IMMP1L: variants seen among roughly 807,000 people sequenced by gnomAD.
The protein encoded by IMMP1L is mitochondrial inner membrane protease subunit 1.
In IMMP1L, 24 loss-of-function variants were observed where a neutral mutation model predicts 21.8. The observed-to-expected ratio is 1.10, with a 90% confidence interval of 0.80 to 1.55. IMMP1L has a LOEUF of 1.55. Ranked by LOEUF, IMMP1L falls within the 40% of genes most tolerant of loss-of-function variation. The pLI is 0.00. For missense variants in IMMP1L, 195 were observed against 200.7 expected (o/e 0.97, Z 0.17); for synonymous variants, 46 against 62.8 (o/e 0.73, Z 1.26).
At position 31,456,346 on chromosome 11, in the gene IMMP1L, AT is replaced by A; in HGVS notation, c.234del (p.Lys78AsnfsTer8). 6.2e-7 allele frequency: 1 copy of A among 1,609,880 alleles called. No homozygotes were observed. Among genetic ancestry groups the A allele is most frequent in the Admixed American group, 1.7e-5 (1 of 59,954 alleles). ...IVIAKSPSDP[K>X]SNICKRVIGL... ...CCAATTACTCTTTTACAAATATTTGATTTTGGATCACTTGGGCTTTTTGCAA... is the reference window on the plus strand; with the variant it reads ...CCAATTACTCTTTTACAAATATTTGATTTGGATCACTTGGGCTTTTTGCAA... On this transcript the variant is annotated frameshift_variant, in exon 4 of 6. Coordinates refer to ENST00000532287, the MANE Select transcript of IMMP1L (RefSeq NM_001304274.2). LOFTEE classifies it high-confidence loss of function.
intron 5 of IMMP1L, among the ~76,000 whole-genome samples, chr11:31,433,054 T>G (rs1408557423): frequency 6.6e-6 from 1 of 152,206 alleles, no homozygotes; most frequent in Non-Finnish European, 1.5e-5. Flanking sequence ...AATCATACAT[T>G]CACAATAAGT....
chr11:31,481,435 G>A (rs1366352643), intron 1 of IMMP1L, among the ~76,000 whole-genome samples: 1 of 151,966 alleles, frequency 6.6e-6, no homozygotes, highest in Non-Finnish European at 1.5e-5. Context: ...TTAGTGAAGA[G>A]TTATTACAAT....
At chr11:31,432,712 T>A in intron 5 of IMMP1L, 144 bp from the exon 6 acceptor site, 1 of 629,884 alleles carries the variant, frequency 1.6e-6, no homozygotes. Context: ...ATTTTCTACA[T>A]CAAAGTAAGA....
intron 4 of IMMP1L, among the ~76,000 whole-genome samples, chr11:31,435,011 T>C (rs1305302377): frequency 6.6e-6 from 1 of 152,220 alleles, no homozygotes; most frequent in Admixed American, 6.5e-5. Flanking sequence ...ATTAACATTC[T>C]GAAGTGTTAT....
At chr11:31,456,941 A>G (rs1953964826) in intron 3 of IMMP1L, among the ~76,000 whole-genome samples, 1 of 21,098 alleles carries the variant, frequency 4.7e-5, no homozygotes, top group African/African-American at 2.0e-4. Context: ...AAAAACCCCA[A>G]GTGAACCAAA....
intron 1 of IMMP1L, among the ~76,000 whole-genome samples, chr11:31,488,772 G>A (rs1955161796): frequency 6.6e-6 from 1 of 151,984 alleles, no homozygotes; most frequent in South Asian, 2.1e-4. Flanking sequence ...ATATGACAAA[G>A]GCAAAGCAAT....
chr11:31,489,601 TTCTTA>T (rs72156294), intron 1 of IMMP1L, among the ~76,000 whole-genome samples: 41,051 of 151,900 alleles, frequency 0.27, 5,776 homozygotes, highest in African/African-American at 0.35. Context: ...CTCCTTAGTC[TTCTTA>T]TCTTATCTCT....
rs1013763088 is a variant in IMMP1L at position 31,477,505 on chromosome 11, T to C, written c.-29-14200A>G. On this transcript the variant is annotated intron_variant, in intron 1 of 5. Coordinates refer to ENST00000532287, the MANE Select transcript of IMMP1L (RefSeq NM_001304274.2). Reference sequence around the variant, plus strand: ...CATATTCTTTGCCTTGATGACCTGATTTTTTGTTGTTGTTGTTTATAAAAT... The same window carrying C: ...CATATTCTTTGCCTTGATGACCTGACTTTTTGTTGTTGTTGTTTATAAAAT... 8 of 979,658 alleles carry C rather than the reference T, an allele frequency of 8.2e-6. No homozygotes were observed. The African/African-American group carries it at 1.4e-4, about 17-fold the overall frequency. 60.7% of individuals were successfully genotyped at this position (979,658 alleles called of 1,614,324 possible). A position where few individuals can be genotyped will look rare whatever the true frequency, so the allele number is the denominator to read the frequency against.
At chr11:31,506,562 ATACTT>A (rs1955784327) in intron 1 of IMMP1L, among the ~76,000 whole-genome samples, 1 of 151,632 alleles carries the variant, frequency 6.6e-6, no homozygotes, top group South Asian at 2.1e-4. Flanking sequence ...CTTTCCATGA[ATACTT>A]TATTTATTCT....
intron 1 of IMMP1L, chr11:31,469,902 A>C (rs1591994109): frequency 6.6e-6 from 1 of 152,338 alleles, no homozygotes; most frequent in Non-Finnish European, 1.5e-5. Flanking sequence ...CCTTTACATA[A>C]GAAATAATTA....
chr11:31,452,206 G>C (rs1264325716), intron 4 of IMMP1L: 53 of 983,692 alleles, frequency 5.4e-5, no homozygotes, highest in Non-Finnish European at 6.3e-5. Flanking sequence ...TTTAGATGCA[G>C]ATTTTACAAC....
At position 31,433,569 on chromosome 11, in the gene IMMP1L, A is replaced by C; in HGVS notation, c.323T>G (p.Val108Gly). The C allele has an allele frequency of 1.3e-6, 2 of 1,591,500 alleles. No individual in the cohort carries two copies. Among genetic ancestry groups the C allele is most frequent in the Non-Finnish European group, 1.7e-6 (2 of 1,164,086 alleles). Residue 108 changes from valine (V) to glycine (G), a missense_variant and splice_region_variant, in exon 5 of 6, where the codon GTG (valine) becomes GGG (glycine). Coordinates refer to ENST00000532287, the MANE Select transcript of IMMP1L (RefSeq NM_001304274.2). ...PSDFFKSHSYVPMGHVWLEGD... is the reference protein window; with the variant it reads ...PSDFFKSHSYGPMGHVWLEGD... Reference sequence around the variant, plus strand: ...TTCTAACCAAACATGACCCATTGGCACCTAGAATTAGAGAAGAAATGCAGC... The same window carrying C: ...TTCTAACCAAACATGACCCATTGGCCCCTAGAATTAGAGAAGAAATGCAGC...
intron 4 of IMMP1L, among the ~76,000 whole-genome samples, chr11:31,443,418 A>T (rs531622796): frequency 2.1e-4 from 32 of 152,286 alleles, no homozygotes; most frequent in African/African-American, 7.0e-4. Flanking sequence ...AGGTGAGAAA[A>T]CATTAATTTT....
At chr11:31,437,285 T>C in intron 4 of IMMP1L, 1 of 236,568 alleles carries the variant, frequency 4.2e-6, no homozygotes, top group Non-Finnish European at 8.9e-6. Context: ...ACCTCATATA[T>C]ATATAGCCTG....
At chr11:31,460,756 T>C in intron 2 of IMMP1L, 42 bp from the exon 3 acceptor site, 1 of 1,264,044 alleles carries the variant, frequency 7.9e-7, no homozygotes, top group South Asian at 1.3e-5. Context: ...CAAAATCTCT[T>C]TTAAATTTAA....
chr11:31,456,194 T>G, intron 4 of IMMP1L, 66 bp downstream of exon 4: 1 of 1,132,762 alleles, frequency 8.8e-7, no homozygotes, highest in Admixed American at 2.4e-5. Context: ...TATTTTCTTT[T>G]GTCAGCACTC....
At chr11:31,501,624 T>G (rs1301761951) in intron 1 of IMMP1L, among the ~76,000 whole-genome samples, 1 of 151,886 alleles carries the variant, frequency 6.6e-6, no homozygotes, top group Non-Finnish European at 1.5e-5. Context: ...GAAGAAGAAA[T>G]ACATTTAGAA....
chr11:31,450,703 T>C (rs922685124), intron 4 of IMMP1L, among the ~76,000 whole-genome samples: 4 of 152,164 alleles, frequency 2.6e-5, no homozygotes, highest in Admixed American at 6.5e-5. Flanking sequence ...TTCAGCAGCG[T>C]GGTAGGCTCC....
chr11:31,465,992 T>C (rs1200151746), intron 1 of IMMP1L, among the ~76,000 whole-genome samples: 2 of 152,020 alleles, frequency 1.3e-5, no homozygotes, highest in Non-Finnish European at 2.9e-5. Context: ...ACATGTTGAA[T>C]GGGAGAAAAT....
Sources: allele counts gnomAD v4.1 joint callset (sites outside exome capture counted in the v4.1 genomes callset), GRCh38; gene constraint gnomAD v4.1.1; transcripts MANE v1.5; gene names NCBI Gene and HGNC (gene_info 2026-07-23, HGNC 2026-07-21).